Variants in TNKS1BP1 observed in about 807,000 individuals in gnomAD.
TNKS1BP1 encodes the protein 182 kDa tankyrase-1-binding protein.
A neutral mutation model predicts 141.1 loss-of-function variants in TNKS1BP1; 48 were observed. That is an observed-to-expected ratio of 0.34 (90% confidence interval 0.27 to 0.43). The LOEUF (loss-of-function observed/expected upper bound fraction) is 0.43, where lower values mean the gene tolerates loss of function less well. Among genes scored for constraint, TNKS1BP1 ranks in the 20% least tolerant of loss-of-function variants. TNKS1BP1 has a pLI of 1.00. For missense variants in TNKS1BP1, 2,149 were observed against 2,226.0 expected, an observed-to-expected ratio of 0.97 and a Z score of 0.70; for synonymous variants, 875 against 898.2, an observed-to-expected ratio of 0.97 and a Z score of 0.46.
intron 6 of TNKS1BP1, among the ~76,000 whole-genome samples, chr11:57,304,800 T>C (rs1309143814): frequency 1.6e-5 from 2 of 123,602 alleles, no homozygotes; most frequent in Non-Finnish European, 3.2e-5. Context: ...TGAACCCGGG[T>C]GGTGGAGGTT....
intron 1 of TNKS1BP1, among the ~76,000 whole-genome samples, chr11:57,324,120 A>AG (rs1444596975): frequency 6.6e-6 from 1 of 152,228 alleles, no homozygotes; most frequent in African/African-American, 2.4e-5. Context: ...GGCCTCCAGA[A>AG]GGGCTGGGCA....
chr11:57,320,529 C>T lies in TNKS1BP1; in HGVS notation c.278G>A (p.Ser93Asn), dbSNP rs1409315982. 1.9e-6 allele frequency: 3 copies of T among 1,613,600 alleles called. No individual in the cohort carries two copies. The highest frequency in any genetic ancestry group is 2.7e-5 in the African/African-American group (2 of 75,046). Residue 93 changes from serine to asparagine, a missense_variant, in exon 3 of 12, where the codon AGC (serine) becomes AAC (asparagine). Ser to Asn is a conservative substitution (Grantham distance 46). Coordinates refer to ENST00000358252, the MANE Select transcript of TNKS1BP1 (RefSeq NM_033396.3). Reference sequence around the variant, plus strand: ...TGGTGCAAAGGGAAGGGGGCGCTTGCTGCCACCATAGGGCTGGGGTCCTGC... The same window carrying T: ...TGGTGCAAAGGGAAGGGGGCGCTTGTTGCCACCATAGGGCTGGGGTCCTGC... ...MLAGPQPYGG[S>N]KRPLPFAPRP...
chr11:57,305,810 G>T (rs1855601082), intron 6 of TNKS1BP1, among the ~76,000 whole-genome samples: 1 of 152,194 alleles, frequency 6.6e-6, no homozygotes. Flanking sequence ...CCAACTTACA[G>T]ACGAGGAATC....
chr11:57,322,738 G>C (rs923620360), intron 1 of TNKS1BP1, among the ~76,000 whole-genome samples: 7 of 152,142 alleles, frequency 4.6e-5, no homozygotes, highest in Non-Finnish European at 1.0e-4. Flanking sequence ...AACGGGACAG[G>C]GCTTGAGAAC....
chr11:57,310,602 C>T (rs1855691229), intron 5 of TNKS1BP1, 46 bp from the exon 6 acceptor site: 40 of 1,564,850 alleles, frequency 2.6e-5, no homozygotes, highest in Non-Finnish European at 3.3e-5. Flanking sequence ...CGATTAGATT[C>T]CATCAGGGTG....
Position 57,317,761 on chromosome 11 carries a change from A to G in TNKS1BP1, c.798+57T>C. 6 of 1,538,122 alleles carry G rather than the reference A, an allele frequency of 3.9e-6. No individual in the cohort carries two copies. In the South Asian group the frequency reaches 4.5e-5, roughly 12 times the overall value. ...CAAGGAGTAGAAAAGATGATCTCAT[A>G]TGACCCTTCCAGCTCTAAAATACGT... On this transcript the variant is annotated intron_variant, in intron 4 of 11. Coordinates refer to ENST00000358252, the MANE Select transcript of TNKS1BP1 (RefSeq NM_033396.3).
At chr11:57,312,017 T>C (rs970818289) in intron 5 of TNKS1BP1, among the ~76,000 whole-genome samples, 1 of 152,174 alleles carries the variant, frequency 6.6e-6, no homozygotes, top group African/African-American at 2.4e-5. Flanking sequence ...TTATCCACAT[T>C]TTACAGATGT....
chr11:57,308,735 G>C lies in TNKS1BP1; in HGVS notation c.3976C>G (p.Pro1326Ala). ...GLRDLEVTCD[P>A]DSGGSQGLRG... Reference sequence around the variant, plus strand: ...AGCCCCTGAGAACCTCCAGAGTCTGGGTCACAGGTCACCTCCAAATCCCTC... The same window carrying C: ...AGCCCCTGAGAACCTCCAGAGTCTGCGTCACAGGTCACCTCCAAATCCCTC... Residue 1326 changes from proline to alanine, a missense_variant, in exon 6 of 12, where the codon CCA becomes GCA. Coordinates refer to ENST00000358252, the MANE Select transcript of TNKS1BP1 (RefSeq NM_033396.3). 1.9e-6 allele frequency: 3 copies of C among 1,613,640 alleles called. No homozygotes were observed. The highest frequency in any genetic ancestry group is 2.5e-6 in the Non-Finnish European group (3 of 1,180,014).
In TNKS1BP1 at chr11:57,301,952, G is replaced by A; in HGVS notation, c.4835-9C>T. On this transcript the variant is annotated splice_polypyrimidine_tract_variant and intron_variant, in intron 8 of 11. Coordinates refer to ENST00000358252, the MANE Select transcript of TNKS1BP1 (RefSeq NM_033396.3). ...CCGAGATGCCCGTGGCTCTGCAAAG[G>A]CCCGGGAAAGGGGCTCAGAAAAGGC... is the stretch of plus-strand genomic sequence containing the variant. 1.9e-6 allele frequency: 3 copies of A among 1,612,538 alleles called. No individual in the cohort carries two copies. Among genetic ancestry groups the A allele is most frequent in the Non-Finnish European group, 2.5e-6 (3 of 1,179,002 alleles).
intron 1 of TNKS1BP1, chr11:57,322,271 G>A (rs954894852): frequency 5.8e-6 from 6 of 1,030,970 alleles, no homozygotes; most frequent in African/African-American, 3.4e-5. Context: ...GGACGGCCCC[G>A]CTGGAGGTGT....
At position 57,309,274 on chromosome 11, in the gene TNKS1BP1, C is replaced by T; in HGVS notation, c.3437G>A (p.Gly1146Asp). Reference sequence around the variant, plus strand: ...GGTCTTCCCAGGAGGCACAAAGTGACCACCTTCCATCTTGCTAGAAGGGCT... The same window carrying T: ...GGTCTTCCCAGGAGGCACAAAGTGATCACCTTCCATCTTGCTAGAAGGGCT... ...GFSPSSKMEG[G>D]HFVPPGKTTA... The change falls in exon 6 of 12, where the codon GGT becomes GAT. Residue 1146 changes from glycine (G) to aspartate (D), a missense_variant. Gly to Asp is a moderately conservative substitution (Grantham distance 94). Coordinates refer to ENST00000358252, the MANE Select transcript of TNKS1BP1 (RefSeq NM_033396.3). The surrounding 1 kb of genome is among the most constrained non-coding windows in gnomAD (Gnocchi z 4.3). 6.2e-7 allele frequency: 1 copy of T among 1,614,182 alleles called. No homozygotes were observed. Among genetic ancestry groups the T allele is most frequent in the Non-Finnish European group, 8.5e-7 (1 of 1,180,040 alleles).
chr11:57,300,678 A>AAACC, intron 10 of TNKS1BP1, 78 bp from the exon 11 acceptor site: 7 of 1,589,176 alleles, frequency 4.4e-6, no homozygotes, highest in Non-Finnish European at 6.0e-6. Context: ...ATAGGGACAG[A>AAACC]AACCACCCTC....
chr11:57,321,060 C>T (rs1436854875), intron 2 of TNKS1BP1, among the ~76,000 whole-genome samples: 1 of 152,192 alleles, frequency 6.6e-6, no homozygotes, highest in African/African-American at 2.4e-5. Flanking sequence ...AGCCAATAAA[C>T]AAATGCCTGC....
intron 1 of TNKS1BP1, chr11:57,322,414 C>T (rs1855903078): frequency 1.5e-6 from 1 of 645,500 alleles, no homozygotes; most frequent in African/African-American, 2.0e-5. Context: ...CCCACTCACC[C>T]TCCTTCCCTC....
chr11:57,314,301 G>C (rs1590590605), intron 4 of TNKS1BP1, among the ~76,000 whole-genome samples: 1 of 152,292 alleles, frequency 6.6e-6, no homozygotes, highest in Non-Finnish European at 1.5e-5. Flanking sequence ...AGTCGTGAGG[G>C]GAGAGAGGGT....
At chr11:57,322,874 T>C (rs1016930327) in intron 1 of TNKS1BP1, among the ~76,000 whole-genome samples, 2 of 152,132 alleles carry the variant, frequency 1.3e-5, no homozygotes, top group Non-Finnish European at 2.9e-5. Flanking sequence ...CAGCCTAGGG[T>C]TGGCTTTAAG....
chr11:57,318,666 T>C (rs775487519), intron 3 of TNKS1BP1, among the ~76,000 whole-genome samples: 2 of 152,252 alleles, frequency 1.3e-5, no homozygotes, highest in Non-Finnish European at 2.9e-5. Flanking sequence ...GGACAGCCTC[T>C]GTGCAGCTGA....
At chr11:57,304,872 CAAAAAAAA>C (rs35084894) in intron 6 of TNKS1BP1, among the ~76,000 whole-genome samples, 3 of 72,746 alleles carry the variant, frequency 4.1e-5, no homozygotes, top group East Asian at 4.0e-4. Context: ...AACTCCGTCT[CAAAAAAAA>C]AAAAAAAAAA....
At chr11:57,306,367 A>T (rs1171137322) in intron 6 of TNKS1BP1, among the ~76,000 whole-genome samples, 1 of 152,100 alleles carries the variant, frequency 6.6e-6, no homozygotes, top group African/African-American at 2.4e-5. Flanking sequence ...GTTCTTGGAC[A>T]TTAGCCAAAT....
Sources: allele counts gnomAD v4.1 joint callset (sites outside exome capture counted in the v4.1 genomes callset), GRCh38; gene constraint gnomAD v4.1.1; non-coding constraint Gnocchi (gnomAD v3.1); transcripts MANE v1.5; gene names NCBI Gene and HGNC (gene_info 2026-07-23, HGNC 2026-07-21).